FILIP1L: variants seen among roughly 807,000 people sequenced by gnomAD.
FILIP1L encodes filamin A-interacting protein 1-like.
A neutral mutation model predicts 96.6 loss-of-function variants in FILIP1L; 55 were observed. That is an observed-to-expected ratio of 0.57 (90% CI 0.46 to 0.71). The LOEUF is 0.71. FILIP1L is among the 30% of genes least tolerant of loss of function. The probability of loss-of-function intolerance (pLI) is 0.00; values close to 1 mark genes in which losing one functional copy is unlikely to be tolerated. For synonymous variants in FILIP1L, 467 were observed against 473.9 expected (o/e 0.99, Z 0.19); for missense variants, 1,304 against 1,321.2 (o/e 0.99, Z 0.20).
Position 99,889,995 on chromosome 3 carries a change from CT to C in FILIP1L, c.605+34234del, listed in dbSNP as rs549336114. On this transcript the variant is annotated intron_variant, in intron 4 of 5. Transcript: ENST00000477258. ...ACACTTTCTTCGCCTCTTATTTCTT[CT>C]TTTATTCCAGACTTCTCTCTGGGAC... is the stretch of plus-strand genomic sequence containing the variant. Among the ~76,000 whole-genome samples, 1,376 of 152,072 alleles carry C rather than the reference CT, an allele frequency of 9.0e-3. 24 individuals carry two copies. Among genetic ancestry groups the C allele is most frequent in the African/African-American group, 0.031 (1,307 of 41,512 alleles).
intron 1 of FILIP1L, among the ~76,000 whole-genome samples, chr3:99,939,083 A>G (rs912230732): frequency 6.6e-6 from 1 of 152,230 alleles, no homozygotes; most frequent in Non-Finnish European, 1.5e-5. Context: ...GTGGGGATGT[A>G]TGATTCAGGT....
chr3:99,961,475 C>T (rs1005272863), intron 1 of FILIP1L, among the ~76,000 whole-genome samples: 6 of 152,150 alleles, frequency 3.9e-5, no homozygotes, highest in Non-Finnish European at 7.3e-5. Context: ...AGAATCTTAA[C>T]TTTGCAAGGA....
intron 4 of FILIP1L, chr3:99,875,976 A>C (rs1249442007): frequency 1.2e-6 from 1 of 835,958 alleles, no homozygotes; most frequent in East Asian, 1.2e-4. Context: ...GCAGTTTGTG[A>C]TGCTGAGACA....
intron 1 of FILIP1L, among the ~76,000 whole-genome samples, chr3:99,964,061 A>G (rs1708572613): frequency 6.6e-6 from 1 of 152,062 alleles, no homozygotes; most frequent in Admixed American, 6.5e-5. Context: ...TTTGAACATA[A>G]TAATTGTTAT....
intron 4 of FILIP1L, among the ~76,000 whole-genome samples, chr3:99,863,783 C>A (rs1944376088): frequency 6.6e-6 from 1 of 152,198 alleles, no homozygotes; most frequent in Non-Finnish European, 1.5e-5. Context: ...ACTGTAACCA[C>A]TGATACTAGT....
chr3:100,045,948 A>G (rs1034742578), intron 1 of FILIP1L, among the ~76,000 whole-genome samples: 1 of 151,972 alleles, frequency 6.6e-6, no homozygotes, highest in African/African-American at 2.4e-5. Flanking sequence ...GCTGGGGTGG[A>G]TGAGAGAAGG....
At chr3:99,949,353 A>T (rs1708108963) in intron 1 of FILIP1L, among the ~76,000 whole-genome samples, 1 of 152,214 alleles carries the variant, frequency 6.6e-6, no homozygotes. Flanking sequence ...CATAGTTGGC[A>T]ACTGGCTTCT....
chr3:100,005,275 C>T (rs886951022), intron 1 of FILIP1L, among the ~76,000 whole-genome samples: 6 of 152,122 alleles, frequency 3.9e-5, no homozygotes, highest in Non-Finnish European at 2.9e-5. Flanking sequence ...GTTTTTGGCT[C>T]AATATTCAGT....
chr3:99,947,914 A>G (rs913717828), intron 1 of FILIP1L, among the ~76,000 whole-genome samples: 1 of 152,210 alleles, frequency 6.6e-6, no homozygotes, highest in Non-Finnish European at 1.5e-5. Context: ...GGAAGCTGTT[A>G]TTATATTTAC....
At chr3:99,921,118 G>T (rs1043801066) in intron 4 of FILIP1L, among the ~76,000 whole-genome samples, 2 of 152,100 alleles carry the variant, frequency 1.3e-5, no homozygotes, top group African/African-American at 4.8e-5. Flanking sequence ...GACCCTTCAG[G>T]ATAAGTTAGT....
chr3:100,019,792 T>C (rs2064774691), intron 1 of FILIP1L, among the ~76,000 whole-genome samples: 1 of 152,198 alleles, frequency 6.6e-6, no homozygotes, highest in African/African-American at 2.4e-5. Flanking sequence ...AGGAGTAAGA[T>C]AATTTTTCAT....
intron 1 of FILIP1L, among the ~76,000 whole-genome samples, chr3:100,050,348 A>G (rs1283469870): frequency 6.6e-6 from 1 of 152,188 alleles, no homozygotes; most frequent in Non-Finnish European, 1.5e-5. Context: ...AGAAAGCCAT[A>G]TCTTTTTTAG....
In FILIP1L at chr3:100,014,883, T is replaced by C. The variant is rs557974965; in HGVS notation, c.-10-83853A>G. Among the ~76,000 whole-genome samples, 414 of 125,378 alleles carry C rather than the reference T, an allele frequency of 3.3e-3. 2 individuals carry two copies. Among genetic ancestry groups the C allele is most frequent in the African/African-American group, 0.011 (390 of 35,268 alleles). 82.3% of individuals were successfully genotyped at this position (125,378 alleles called of 152,430 possible). A position where few individuals can be genotyped will look rare whatever the true frequency, so the allele number is the denominator to read the frequency against. ...TTTGTCTTTTTCTTTTCTTTTTTTTTTTTCTTTCTTTCTTTTTTTTTTTTT... is the reference window on the plus strand; with the variant it reads ...TTTGTCTTTTTCTTTTCTTTTTTTTCTTTCTTTCTTTCTTTTTTTTTTTTT... On this transcript the variant is annotated intron_variant, in intron 1 of 5. Coordinates refer to ENST00000477258, the MANE Select transcript of FILIP1L (RefSeq NM_001387850.1).
intron 4 of FILIP1L, among the ~76,000 whole-genome samples, chr3:99,861,581 T>A (rs1198052680): frequency 6.6e-6 from 1 of 152,196 alleles, no homozygotes; most frequent in Non-Finnish European, 1.5e-5. Flanking sequence ...ATCTGCGTTC[T>A]TCTGTATCTT....
intron 1 of FILIP1L, among the ~76,000 whole-genome samples, chr3:99,938,600 A>G (rs1268327878): frequency 1.3e-5 from 2 of 152,194 alleles, no homozygotes; most frequent in African/African-American, 4.8e-5. Flanking sequence ...CAGAACCTTT[A>G]AGCTAAGATT....
intron 1 of FILIP1L, among the ~76,000 whole-genome samples, chr3:100,016,341 C>A (rs754645777): frequency 2.6e-5 from 4 of 152,140 alleles, no homozygotes; most frequent in African/African-American, 7.2e-5. Context: ...TACAGGCATG[C>A]GCACCACACA....
intron 1 of FILIP1L, among the ~76,000 whole-genome samples, chr3:99,987,615 A>C (rs1328665436): frequency 2.0e-5 from 3 of 152,154 alleles, no homozygotes; most frequent in Non-Finnish European, 4.4e-5. Context: ...CTCTGGCCTT[A>C]ATCTTATTAA....
intron 1 of FILIP1L, among the ~76,000 whole-genome samples, chr3:100,038,944 A>G (rs1233333147): frequency 6.6e-6 from 1 of 152,240 alleles, no homozygotes; most frequent in Non-Finnish European, 1.5e-5. Flanking sequence ...GTTTGTCTGC[A>G]TATGTATAAA....
intron 5 of FILIP1L, among the ~76,000 whole-genome samples, chr3:99,846,737 G>A: frequency 6.6e-6 from 1 of 152,190 alleles, no homozygotes; most frequent in Non-Finnish European, 1.5e-5. Context: ...TTTTGTAGGG[G>A]AAAGGAGGAT....
Sources: allele counts gnomAD v4.1 joint callset (sites outside exome capture counted in the v4.1 genomes callset), GRCh38; gene constraint gnomAD v4.1.1; transcripts MANE v1.5; gene names NCBI Gene and HGNC (gene_info 2026-07-23, HGNC 2026-07-21).